The following MICAL3 variants were observed in gnomAD, a reference collection of about 807,000 sequenced individuals.
MICAL3 encodes microtubule associated monooxygenase, calponin and LIM domain containing 3.
In MICAL3, 62 loss-of-function variants were observed where a neutral mutation model predicts 207.4. The ratio of observed to expected loss-of-function variants is 0.30; its 90% CI spans 0.24 to 0.37. The LOEUF is 0.37. Among genes scored for constraint, MICAL3 ranks in the 10% least tolerant of loss-of-function variants. MICAL3 has a pLI of 1.00. For missense variants in MICAL3, 2,368 were observed against 2,635.6 expected, an observed-to-expected ratio of 0.90 and a Z score of 2.22; for synonymous variants, 1,077 against 1,069.3, an observed-to-expected ratio of 1.01 and a Z score of -0.14.
chr22:17,822,430 C>G (rs983075306), intron 23 of MICAL3, among the ~76,000 whole-genome samples: 1 of 152,242 alleles, frequency 6.6e-6, no homozygotes, highest in Non-Finnish European at 1.5e-5. Flanking sequence ...AATACAGCAA[C>G]AGTCACACAT....
intron 1 of MICAL3, among the ~76,000 whole-genome samples, chr22:18,010,875 G>A (rs1248089260): frequency 5.3e-5 from 8 of 152,006 alleles, no homozygotes; most frequent in Non-Finnish European, 2.9e-5. Context: ...GAAGAGAATG[G>A]GGTATGCCTT....
At chr22:17,936,603 A>G (rs1933543051) in intron 1 of MICAL3, among the ~76,000 whole-genome samples, 1 of 151,986 alleles carries the variant, frequency 6.6e-6, no homozygotes, top group African/African-American at 2.4e-5. Flanking sequence ...ACTTTCTGAG[A>G]TAACAGAAAG....
chr22:18,013,005 G>A (rs1923844060), intron 1 of MICAL3, among the ~76,000 whole-genome samples: 1 of 152,142 alleles, frequency 6.6e-6, no homozygotes, highest in African/African-American at 2.4e-5. Flanking sequence ...CATGGGGATG[G>A]AGGCACCTTG....
chr22:17,844,037 C>T (rs1163811863), intron 19 of MICAL3, among the ~76,000 whole-genome samples: 3 of 152,100 alleles, frequency 2.0e-5, no homozygotes, highest in South Asian at 4.1e-4. Flanking sequence ...TTAGTAGAGA[C>T]GGGTTTCACC....
At position 17,790,543 on chromosome 22, in the gene MICAL3, T is replaced by C; in HGVS notation, c.*189A>G. ...CCTCCTCCCAGGAGGTGGAGCCGTC[T>C]CAGATAACCACTGTCACCTGGGGCT... On this transcript the variant is annotated 3_prime_UTR_variant, in exon 32 of 32. Coordinates refer to ENST00000441493, the MANE Select transcript of MICAL3 (RefSeq NM_015241.3). 1 of 599,598 alleles carries C rather than the reference T, an allele frequency of 1.7e-6. No homozygotes were observed. The highest frequency in any genetic ancestry group is 2.9e-6 in the Non-Finnish European group (1 of 341,444). The allele number at this position is 599,598 out of a possible 1,614,324, so 37.1% of individuals were successfully genotyped here.
At chr22:17,973,561 T>C (rs1391989249) in intron 1 of MICAL3, among the ~76,000 whole-genome samples, 1 of 152,142 alleles carries the variant, frequency 6.6e-6, no homozygotes, top group Non-Finnish European at 1.5e-5. Context: ...GTTCAGAGTT[T>C]GGGTGTCTGC....
intron 1 of MICAL3, among the ~76,000 whole-genome samples, chr22:18,003,858 C>T (rs963084214): frequency 2.6e-5 from 4 of 152,106 alleles, no homozygotes; most frequent in Admixed American, 2.6e-4. Flanking sequence ...CAACCTCCGC[C>T]TCCCGGGTTC....
At chr22:17,810,681 G>A (rs1438391549) in intron 28 of MICAL3, 22 bp downstream of exon 28, 3 of 1,592,104 alleles carry the variant, frequency 1.9e-6, no homozygotes, top group East Asian at 2.2e-5. Context: ...ATGTGCCCTG[G>A]TCCCATCCTC....
chr22:17,928,594 C>T (rs542413988), intron 1 of MICAL3, among the ~76,000 whole-genome samples: 41 of 152,180 alleles, frequency 2.7e-4, no homozygotes, highest in African/African-American at 9.2e-4. Context: ...AACATAAAGC[C>T]AACTTTACGT....
In MICAL3 at chr22:17,902,535, G is replaced by A; in HGVS notation, c.589+96C>T. 1.4e-6 allele frequency: 1 copy of A among 692,830 alleles called. No homozygotes were observed. The highest frequency in any genetic ancestry group is 2.5e-6 in the Non-Finnish European group (1 of 406,146). The allele number at this position is 692,830 out of a possible 1,614,324, so 42.9% of individuals were successfully genotyped here. On this transcript the variant is annotated intron_variant, in intron 4 of 31. Transcript: ENST00000441493. The surrounding 1 kb of genome is among the most constrained non-coding windows in gnomAD (Gnocchi z 4.5). ...GCACAGGCTTTGGCTAGCTCTGGAA[G>A]CAGCCCTCAGGAGCCTTTGGTTTGC...
chr22:17,872,096 C>G, intron 16 of MICAL3, 73 bp from the exon 17 acceptor site: 1 of 1,368,724 alleles, frequency 7.3e-7, no homozygotes. Context: ...AGAGGCACAG[C>G]CTTGCGAGAG....
chr22:17,834,664 C>T (rs1383784675), intron 20 of MICAL3: 7 of 979,796 alleles, frequency 7.1e-6, no homozygotes, highest in Middle Eastern at 2.8e-4. Context: ...GCACGGTGGG[C>T]GGAGGGCCAG....
At chr22:17,807,371 A>C (rs1169783216) in intron 29 of MICAL3, among the ~76,000 whole-genome samples, 1 of 152,226 alleles carries the variant, frequency 6.6e-6, no homozygotes, top group African/African-American at 2.4e-5. Context: ...GTTCGCTGGG[A>C]AACCTCAGAC....
intron 7 of MICAL3, among the ~76,000 whole-genome samples, chr22:17,898,232 A>G (rs116665387): frequency 0.01 from 1,574 of 152,334 alleles, 27 homozygotes; most frequent in African/African-American, 0.037. Flanking sequence ...ACCTTGTCCC[A>G]AGGCGTACGA....
chr22:17,875,270 C>G (rs924835531), intron 16 of MICAL3: 16 of 413,110 alleles, frequency 3.9e-5, no homozygotes, highest in African/African-American at 3.2e-4. Context: ...AGGAGTGTGC[C>G]ACAGACCTCA....
chr22:17,884,231 G>T, intron 16 of MICAL3: 1 of 1,409,718 alleles, frequency 7.1e-7, no homozygotes, highest in Non-Finnish European at 9.8e-7. Flanking sequence ...GGGTAGGAAG[G>T]CCTGGAGAGA....
intron 1 of MICAL3, among the ~76,000 whole-genome samples, chr22:17,961,626 C>T (rs1569148404): frequency 6.6e-6 from 1 of 152,222 alleles, no homozygotes; most frequent in East Asian, 1.9e-4. Flanking sequence ...GAGTCCCCTT[C>T]CCACACACAC....
At chr22:17,851,970 G>A (rs1185627536) in intron 19 of MICAL3, among the ~76,000 whole-genome samples, 3 of 152,126 alleles carry the variant, frequency 2.0e-5, no homozygotes, top group African/African-American at 7.2e-5. Flanking sequence ...CCAGGCTGAC[G>A]TGCTTTCCCC....
chr22:17,945,528 C>T (rs1934023794), intron 1 of MICAL3, among the ~76,000 whole-genome samples: 2 of 152,182 alleles, frequency 1.3e-5, no homozygotes, highest in Admixed American at 6.5e-5. Context: ...TTCACATTCC[C>T]GGGTGTCCCC....
Sources: gnomAD v4.1 joint callset for allele counts (sites outside exome capture counted in the v4.1 genomes callset) on GRCh38, gnomAD v4.1.1 for gene constraint, Gnocchi (gnomAD v3.1) non-coding constraint, MANE v1.5 for transcripts, NCBI Gene and HGNC (gene_info 2026-07-23, HGNC 2026-07-21) for gene names.